Variants in EIF3J observed in about 807,000 individuals in gnomAD.
EIF3J encodes the protein eukaryotic translation initiation factor 3 subunit J, also known as eukaryotic translation initiation factor 3, subunit 1 (alpha, 35kD).
In EIF3J, 15 loss-of-function variants were observed where a neutral mutation model predicts 39.0. The observed-to-expected ratio is 0.38, with a 90% CI of 0.26 to 0.59. The LOEUF is 0.59. EIF3J is among the 20% of genes least tolerant of loss of function. The probability of loss-of-function intolerance (pLI) is 0.60; values close to 1 mark genes in which losing one functional copy is unlikely to be tolerated. For synonymous variants in EIF3J, 98 were observed against 112.9 expected (o/e 0.87, Z 0.84); for missense variants, 226 against 308.6 (o/e 0.73, Z 2.00).
chr15:44,554,324 C>T lies in EIF3J; in HGVS notation c.295-229C>T, dbSNP rs144995990. ...CCCAGGAGGCAGAGGTTACAATGAG[C>T]GAAGATCATGCCACTGTGCTCCAGC... On this transcript the variant is annotated intron_variant, in intron 4 of 7. Transcript: ENST00000261868. Among the ~76,000 whole-genome samples the T allele has an allele frequency of 9.6e-3, 1,314 of 137,510 alleles. 16 individuals carry two copies. Among genetic ancestry groups the T allele is most frequent in the African/African-American group, 0.035 (1,257 of 35,998 alleles). The allele number at this position is 137,510 out of a possible 152,430, so 90.2% of individuals were successfully genotyped here. A position where few individuals can be genotyped will look rare whatever the true frequency, so the allele number is the denominator to read the frequency against.
chr15:44,547,357 G>GGTCTTGCA (rs2082062269), intron 2 of EIF3J, among the ~76,000 whole-genome samples: 2 of 151,476 alleles, frequency 1.3e-5, no homozygotes, highest in East Asian at 3.9e-4. Flanking sequence ...TGGTCAGGCT[G>GGTCTTGCA]GTCTTGCATT....
intron 4 of EIF3J, among the ~76,000 whole-genome samples, chr15:44,552,407 G>A (rs1252193272): frequency 6.6e-6 from 1 of 151,872 alleles, no homozygotes; most frequent in Non-Finnish European, 1.5e-5. Flanking sequence ...ACCATGCCTG[G>A]CTAATCTTTG....
chr15:44,537,487 C>T (rs2081968974), intron 2 of EIF3J, 60 bp downstream of exon 2: 16 of 1,428,226 alleles, frequency 1.1e-5, no homozygotes, highest in Non-Finnish European at 1.5e-5. Context: ...TGCCGGCCGA[C>T]TCTGGGCCCC....
At chr15:44,539,536 G>T (rs567678640) in intron 2 of EIF3J, among the ~76,000 whole-genome samples, 113 of 150,274 alleles carry the variant, frequency 7.5e-4, no homozygotes, top group Middle Eastern at 3.6e-3. Flanking sequence ...GCCTCCCGAG[G>T]ACTACAGGTG....
chr15:44,543,290 T>A (rs1232472491), intron 2 of EIF3J, among the ~76,000 whole-genome samples: 1 of 152,176 alleles, frequency 6.6e-6, no homozygotes, highest in Admixed American at 6.5e-5. Context: ...AGTGCTAGTT[T>A]GGTAGTAACT....
intron 2 of EIF3J, among the ~76,000 whole-genome samples, chr15:44,541,116 C>T (rs1012782289): frequency 6.6e-6 from 1 of 152,138 alleles, no homozygotes; most frequent in Non-Finnish European, 1.5e-5. Flanking sequence ...TTCCCATCAC[C>T]CTGGCTTTAT....
chr15:44,540,253 ATATATATATATATAT>A (rs1159221536), intron 2 of EIF3J, among the ~76,000 whole-genome samples: 2 of 50,496 alleles, frequency 4.0e-5, no homozygotes, highest in African/African-American at 6.0e-5. Context: ...ATATATATAT[ATATATATATATATAT>A]TTTTTTTTTT....
chr15:44,538,300 T>A (rs2081978070), intron 2 of EIF3J, among the ~76,000 whole-genome samples: 1 of 152,148 alleles, frequency 6.6e-6, no homozygotes, highest in South Asian at 2.1e-4. Flanking sequence ...TTTTTTTTTT[T>A]TTTTACAGTA....
At chr15:44,540,626 A>C (rs1323295537) in intron 2 of EIF3J, among the ~76,000 whole-genome samples, 2 of 152,118 alleles carry the variant, frequency 1.3e-5, no homozygotes. Context: ...TTTTTGGTAG[A>C]GATAGAGTTT....
At chr15:44,560,743 T>A (rs2082185571) in intron 7 of EIF3J, among the ~76,000 whole-genome samples, 1 of 152,190 alleles carries the variant, frequency 6.6e-6, no homozygotes, top group Non-Finnish European at 1.5e-5. Context: ...CTTTTCTAAA[T>A]TTGCTTCAGT....
chr15:44,537,196 T>TGGCGGCGGC lies in EIF3J; in HGVS notation c.17_25dup (p.Ala6_Ala8dup), dbSNP rs560378535. On this transcript the variant is annotated inframe_insertion, in exon 1 of 8. Transcript: ENST00000261868. Reference sequence around the variant, plus strand: ...ACACACGCTCACACCCGGCTCGAGATGGCGGCGGCGGCGGCGGCGGCGGGG... The same window carrying TGGCGGCGGC: ...ACACACGCTCACACCCGGCTCGAGATGGCGGCGGCGGCGGCGGCGGCGGCGGCGGCGGGG... The TGGCGGCGGC allele has an allele frequency of 0.01, 16,446 of 1,601,398 alleles. 50 individuals carry two copies. Among genetic ancestry groups the TGGCGGCGGC allele is most frequent in the Non-Finnish European group, 0.013 (14,856 of 1,173,904 alleles).
At chr15:44,554,221 A>G (rs1394395894) in intron 4 of EIF3J, among the ~76,000 whole-genome samples, 1 of 152,006 alleles carries the variant, frequency 6.6e-6, no homozygotes, top group East Asian at 1.9e-4. Flanking sequence ...TGCTAAAACT[A>G]CAAAAATTAG....
chr15:44,543,838 C>A (rs1157780846), intron 2 of EIF3J, among the ~76,000 whole-genome samples: 1 of 151,864 alleles, frequency 6.6e-6, no homozygotes, highest in Admixed American at 6.6e-5. Flanking sequence ...AAACTAGGGA[C>A]AGGGATAGAG....
rs1693242716 is a variant in EIF3J at position 44,561,198 on chromosome 15, A to AACT, written c.*51_*52insTAC. Reference sequence around the variant, plus strand: ...TCTTTATGTTGCCCACAATCCCTTGAACATGTAGCACAACTTCCTTTCCTT... The same window carrying AACT: ...TCTTTATGTTGCCCACAATCCCTTGAACTACATGTAGCACAACTTCCTTTCCTT... On this transcript the variant is annotated 3_prime_UTR_variant, in exon 8 of 8. Coordinates refer to ENST00000261868, the MANE Select transcript of EIF3J (RefSeq NM_003758.4). 1.3e-6 allele frequency: 2 copies of AACT among 1,576,496 alleles called. No homozygotes were observed. The highest frequency in any genetic ancestry group is 2.3e-5 in the South Asian group (2 of 88,454).
chr15:44,543,150 A>C (rs2082025951), intron 2 of EIF3J, among the ~76,000 whole-genome samples: 1 of 152,224 alleles, frequency 6.6e-6, no homozygotes, highest in South Asian at 2.1e-4. Context: ...TAATTTTATA[A>C]CTATGGAAAC....
chr15:44,560,987 G>C, intron 7 of EIF3J, 31 bp from the exon 8 acceptor site: 3 of 1,609,708 alleles, frequency 1.9e-6, no homozygotes, highest in Middle Eastern at 1.7e-4. Context: ...AGCACACTAA[G>C]GTTCATGAAT....
chr15:44,537,168 C>CT lies in EIF3J; in HGVS notation c.-26dup. 6.2e-7 allele frequency: 1 copy of CT among 1,612,942 alleles called. No homozygotes were observed. The highest frequency in any genetic ancestry group is 1.1e-5 in the South Asian group (1 of 91,028). On this transcript the variant is annotated 5_prime_UTR_variant, in exon 1 of 8. Transcript: ENST00000261868. Reference sequence around the variant, plus strand: ...TGCTAACTCCTCGCTAGCTCTCCCTCTCACACACGCTCACACCCGGCTCGA... The same window carrying CT: ...TGCTAACTCCTCGCTAGCTCTCCCTCTTCACACACGCTCACACCCGGCTCGA...
intron 2 of EIF3J, among the ~76,000 whole-genome samples, chr15:44,544,262 TTTTTTTTGTA>T (rs1403746903): frequency 4.6e-5 from 7 of 151,198 alleles, no homozygotes; most frequent in African/African-American, 1.7e-4. Flanking sequence ...GCCCTGCTAA[TTTTTTTTGTA>T]TTTTTAGTAG....
In EIF3J at chr15:44,537,203, G is replaced by T. The variant is rs751059755; in HGVS notation, c.9G>T (p.Ala3=). Residue 3 remains alanine (A), a synonymous_variant, in exon 1 of 8, where the codon GCG becomes GCT. Coordinates refer to ENST00000261868, the MANE Select transcript of EIF3J (RefSeq NM_003758.4). ...CTCACACCCGGCTCGAGATGGCGGCGGCGGCGGCGGCGGCGGGGGACTCGG... is the reference window on the plus strand; with the variant it reads ...CTCACACCCGGCTCGAGATGGCGGCTGCGGCGGCGGCGGCGGGGGACTCGG... MA[A]AAAAAGDSDS... 4 of 1,604,660 alleles carry T rather than the reference G, an allele frequency of 2.5e-6. No homozygotes were observed. In the African/African-American group the frequency reaches 5.4e-5, roughly 22 times the overall value.
Sources: gnomAD v4.1 joint callset for allele counts (sites outside exome capture counted in the v4.1 genomes callset) on GRCh38, gnomAD v4.1.1 for gene constraint, MANE v1.5 for transcripts, NCBI Gene and HGNC (gene_info 2026-07-23, HGNC 2026-07-21) for gene names.